The following PLCH1 variants were observed in gnomAD, a reference collection of about 807,000 sequenced individuals.
The protein encoded by PLCH1 is 1-phosphatidylinositol 4,5-bisphosphate phosphodiesterase eta-1.
A neutral mutation model predicts 126.7 loss-of-function variants in PLCH1; 60 were observed. The observed-to-expected ratio is 0.47, with a 90% confidence interval of 0.38 to 0.59. PLCH1 has a LOEUF of 0.59. Among genes scored for constraint, PLCH1 ranks in the 20% least tolerant of loss-of-function variants. The probability of loss-of-function intolerance (pLI) is 0.00; values close to 1 mark genes in which losing one functional copy is unlikely to be tolerated. For synonymous variants in PLCH1, 719 were observed against 734.9 expected, an observed-to-expected ratio of 0.98 and a Z score of 0.35; for missense variants, 1,723 against 2,040.0, an observed-to-expected ratio of 0.84 and a Z score of 2.99.
chr3:155,718,721 C>T (rs1052687202), intron 1 of PLCH1, among the ~76,000 whole-genome samples: 11 of 152,090 alleles, frequency 7.2e-5, no homozygotes, highest in Non-Finnish European at 1.3e-4. Flanking sequence ...AGGACATCAC[C>T]AAGCCATGAG....
At chr3:155,696,902 T>C (rs1263948100) in intron 2 of PLCH1, among the ~76,000 whole-genome samples, 3 of 152,224 alleles carry the variant, frequency 2.0e-5, no homozygotes, top group African/African-American at 4.8e-5. Flanking sequence ...TTGGCAGCAA[T>C]AGGCTTGTTT....
chr3:155,594,082 T>C lies in PLCH1; in HGVS notation c.329A>G (p.Tyr110Cys), dbSNP rs767066939. The C allele has an allele frequency of 1.9e-6, 3 of 1,614,008 alleles. No individual in the cohort carries two copies. The highest frequency in any genetic ancestry group is 4.5e-5 in the East Asian group (2 of 44,856). Residue 110 changes from tyrosine (Y) to cysteine (C), a missense_variant, in exon 4 of 23, where the codon TAC (tyrosine) becomes TGC (cysteine). This residue lies in a region of PLCH1 where 776 missense variants were observed against 1,062.9 expected (regional missense o/e 0.73). Coordinates refer to ENST00000460012, the MANE Select transcript of PLCH1 (RefSeq NM_014996.4). ...NFDPSCCFTI[Y>C]HGNHMESLDL... ...CAGGGACTCCATGTGGTTGCCATGG[T>C]AGATGGTGAAGCAGCAGCTGGGGTC...
At chr3:155,600,523 G>T (rs73154286) in intron 2 of PLCH1, among the ~76,000 whole-genome samples, 30,962 of 151,668 alleles carry the variant, frequency 0.2, 4,070 homozygotes, top group African/African-American at 0.37. Context: ...GCAAATGCAG[G>T]TTACAAATTC....
intron 11 of PLCH1, among the ~76,000 whole-genome samples, chr3:155,520,132 T>C (rs1244378794): frequency 1.3e-5 from 2 of 152,200 alleles, no homozygotes; most frequent in Non-Finnish European, 2.9e-5. Flanking sequence ...TCTCTACCCC[T>C]TGTCGCCAGG....
intron 10 of PLCH1, among the ~76,000 whole-genome samples, chr3:155,537,551 A>G (rs1723606717): frequency 6.6e-6 from 1 of 152,138 alleles, no homozygotes; most frequent in Admixed American, 6.5e-5. Context: ...GGGGTAGAAG[A>G]AGATATTTCA....
chr3:155,693,041 C>G (rs1745523054), intron 2 of PLCH1, among the ~76,000 whole-genome samples: 1 of 152,042 alleles, frequency 6.6e-6, no homozygotes, highest in African/African-American at 2.4e-5. Context: ...CTCGGCCTCC[C>G]AAAGTGCTGG....
intron 15 of PLCH1, among the ~76,000 whole-genome samples, 179 bp from the exon 16 acceptor site, chr3:155,494,696 T>C (rs1175594469): frequency 6.6e-6 from 1 of 152,150 alleles, no homozygotes; most frequent in Non-Finnish European, 1.5e-5. Flanking sequence ...ATTCCATTCA[T>C]AGGGTTCTTT....
chr3:155,555,554 A>T (rs1485525620), intron 8 of PLCH1, among the ~76,000 whole-genome samples: 1 of 152,184 alleles, frequency 6.6e-6, no homozygotes, highest in East Asian at 1.9e-4. Flanking sequence ...AGGCACAGGA[A>T]ATTTGAAGTT....
chr3:155,699,108 T>C (rs1320505986), intron 2 of PLCH1, among the ~76,000 whole-genome samples: 1 of 151,576 alleles, frequency 6.6e-6, no homozygotes, highest in African/African-American at 2.4e-5. Context: ...ACAGTTTTGC[T>C]CTTGTTGCCC....
chr3:155,523,353 C>T (rs1721456513), intron 11 of PLCH1, among the ~76,000 whole-genome samples: 1 of 152,032 alleles, frequency 6.6e-6, no homozygotes, highest in South Asian at 2.1e-4. Context: ...ACAAACTATT[C>T]CATGCCACTT....
intron 2 of PLCH1, among the ~76,000 whole-genome samples, chr3:155,644,189 C>A (rs1369337499): frequency 6.6e-6 from 1 of 152,212 alleles, no homozygotes; most frequent in South Asian, 2.1e-4. Flanking sequence ...GGTGGTGTTA[C>A]ATTCTCCAAC....
At chr3:155,503,748 G>A (rs914262247) in intron 13 of PLCH1, among the ~76,000 whole-genome samples, 2 of 152,194 alleles carry the variant, frequency 1.3e-5, no homozygotes, top group African/African-American at 4.8e-5. Flanking sequence ...ATGTTGGCCA[G>A]GCTGGTTTTG....
intron 6 of PLCH1, among the ~76,000 whole-genome samples, chr3:155,579,869 T>A (rs1730434782): frequency 6.6e-6 from 1 of 152,060 alleles, no homozygotes; most frequent in South Asian, 2.1e-4. Flanking sequence ...TCTGTCTGTG[T>A]CTGTCTCTGT....
intron 2 of PLCH1, among the ~76,000 whole-genome samples, chr3:155,650,643 C>G (rs1306942022): frequency 1.3e-5 from 2 of 151,978 alleles, no homozygotes; most frequent in African/African-American, 4.8e-5. Flanking sequence ...CACATTATAC[C>G]TACCTCATAT....
At chr3:155,731,203 G>A (rs1748747365) in intron 1 of PLCH1, among the ~76,000 whole-genome samples, 1 of 152,162 alleles carries the variant, frequency 6.6e-6, no homozygotes, top group Non-Finnish European at 1.5e-5. Flanking sequence ...GGCCATGCCA[G>A]CCCCCATGGA....
At chr3:155,483,525 T>C in intron 22 of PLCH1, 1 of 440,182 alleles carries the variant, frequency 2.3e-6, no homozygotes, top group East Asian at 3.5e-5. Flanking sequence ...AACATAATAA[T>C]ATCATTTTCA....
chr3:155,688,148 T>C (rs1745095338), intron 2 of PLCH1, among the ~76,000 whole-genome samples: 1 of 152,154 alleles, frequency 6.6e-6, no homozygotes, highest in African/African-American at 2.4e-5. Context: ...CCTGCTGCCA[T>C]CAATGATGGG....
chr3:155,455,836 C>G (rs1712428081), intron 21 of PLCH1, among the ~76,000 whole-genome samples: 1 of 152,170 alleles, frequency 6.6e-6, no homozygotes, highest in Non-Finnish European at 1.5e-5. Flanking sequence ...TGGAGAGTTA[C>G]ACACAGAGAA....
chr3:155,517,259 A>T (rs1368607783), intron 11 of PLCH1, among the ~76,000 whole-genome samples: 1 of 152,180 alleles, frequency 6.6e-6, no homozygotes, highest in Non-Finnish European at 1.5e-5. Flanking sequence ...GTGAGCTATG[A>T]TCATGCCACA....
Sources: allele counts gnomAD v4.1 joint callset (sites outside exome capture counted in the v4.1 genomes callset), GRCh38; gene constraint gnomAD v4.1.1; regional missense constraint gnomAD v4.1.1; transcripts MANE v1.5; gene names NCBI Gene and HGNC (gene_info 2026-07-23, HGNC 2026-07-21).